Variants in NPBWR2 observed in about 807,000 individuals in gnomAD.
The protein encoded by NPBWR2 is neuropeptides B and W receptor 2, also known as neuropeptides B/W receptor type 2.
For missense variants in NPBWR2, 390 were observed against 458.2 expected (o/e 0.85, Z 1.36); for synonymous variants, 207 against 223.5 (o/e 0.93, Z 0.66).
At position 64,106,448 on chromosome 20, in the gene NPBWR2, G is replaced by A. The variant is rs763141802; in HGVS notation, c.384C>T (p.Ile128=). The change falls in exon 2 of 2, where the codon ATC becomes ATT. Residue 128 remains isoleucine (I), a synonymous_variant. Transcript: ENST00000684052. The surrounding 1 kb of genome is among the most constrained non-coding windows in gnomAD (Gnocchi z 9.5). ...CGGCTAGGAAGTAGATGCTGGAGAA[G>A]ATGTTGTAGTGGTCGACGGCCAGCA... ...KLVLAVDHYN[I]FSSIYFLAVM... 1.1e-5 allele frequency: 17 copies of A among 1,612,654 alleles called. No individual in the cohort carries two copies. The highest frequency in any genetic ancestry group is 1.4e-5 in the Non-Finnish European group (17 of 1,180,030).
chr20:64,106,056 G>T lies in NPBWR2; in HGVS notation c.776C>A (p.Thr259Asn). ...KALGKARRKV[T>N]VLVLVVLAVC... ...GGCCAGCACGACGAGGACCAGGACG[G>T]TCACCTTCCGCCTGGCCTTGCCTAG... The change falls in exon 2 of 2, where the codon ACC (threonine) becomes AAC (asparagine). Residue 259 changes from threonine (T) to asparagine (N), a missense_variant. Coordinates refer to ENST00000684052, the MANE Select transcript of NPBWR2 (RefSeq NM_005286.4). The surrounding 1 kb of genome is among the most constrained non-coding windows in gnomAD (Gnocchi z 9.5). 1 of 1,610,460 alleles carries T rather than the reference G, an allele frequency of 6.2e-7. No individual in the cohort carries two copies. Among genetic ancestry groups the T allele is most frequent in the Non-Finnish European group, 8.5e-7 (1 of 1,179,242 alleles).
chr20:64,105,787 G>A lies in NPBWR2; in HGVS notation c.*43C>T, dbSNP rs1434679083. ...ATGATGGGCGTGATGATGATGGGGG[G>A]TGATGATGGGCATGATGATGGGGGT... On this transcript the variant is annotated 3_prime_UTR_variant, in exon 2 of 2. Transcript: ENST00000684052. 3.1e-4 allele frequency: 344 copies of A among 1,125,098 alleles called. 17 individuals carry two copies. The highest frequency in any genetic ancestry group is 2.2e-3 in the Middle Eastern group (9 of 4,082). The allele number at this position is 1,125,098 out of a possible 1,614,324, so 69.7% of individuals were successfully genotyped here. A position where few individuals can be genotyped will look rare whatever the true frequency, so the allele number is the denominator to read the frequency against.
At position 64,105,332 on chromosome 20, in the gene NPBWR2, C is replaced by T. The variant is rs1979927988; in HGVS notation, c.*498G>A. On this transcript the variant is annotated 3_prime_UTR_variant, in exon 2 of 2. Coordinates refer to ENST00000684052, the MANE Select transcript of NPBWR2 (RefSeq NM_005286.4). ...GGGGGCCTCTGCCAGGACCTGGATC[C>T]CTGCTGCTGTCCACCCAGGGGCTGT... 6.6e-6 allele frequency among the ~76,000 whole-genome samples: 1 copy of T among 150,588 alleles called. No individual in the cohort carries two copies. Among genetic ancestry groups the T allele is most frequent in the African/African-American group, 2.5e-5 (1 of 40,770 alleles).
Position 64,106,113 on chromosome 20 carries a change from C to T in NPBWR2, c.719G>A (p.Arg240Gln), listed in dbSNP as rs139565347. ...GGCTCCAGAGCGGAGCCGCACGGCC[C>T]GCAGCCTGCGCAGGAGGTCTGTGTA... ...VLYTDLLRRL[R>Q]AVRLRSGAKA... is the part of the protein sequence containing the mutation. The change falls in exon 2 of 2, where the codon CGG (arginine) becomes CAG (glutamine). Residue 240 changes from arginine to glutamine, a missense_variant. Transcript: ENST00000684052. This position sits in a 1 kb window ranked among gnomAD's most constrained non-coding sequence, Gnocchi z 9.5. 4.3e-5 allele frequency: 69 copies of T among 1,611,812 alleles called. No homozygotes were observed. In the African/African-American group the frequency reaches 5.5e-4, roughly 13 times the overall value.
rs1979982459 is a variant in NPBWR2, at chr20:64,105,711, GTGGTGGTGGGGGT to G, written c.*106_*118del. ...GGTGGTGGTGGGGGTGATGGTGGGG[GTGGTGGTGGGGGT>G]GGGGGGGGGTGGGCCTGATGGGGGT... On this transcript the variant is annotated 3_prime_UTR_variant, in exon 2 of 2. Transcript: ENST00000684052. 6 of 388,736 alleles carry G rather than the reference GTGGTGGTGGGGGT, an allele frequency of 1.5e-5. No individual in the cohort carries two copies. The highest frequency in any genetic ancestry group is 6.9e-5 in the African/African-American group (1 of 14,480). 24.1% of individuals were successfully genotyped at this position (388,736 alleles called of 1,614,324 possible).
rs751585514 is a variant in NPBWR2, at chr20:64,106,462, C to T, written c.370G>A (p.Asp124Asn). 3.7e-6 allele frequency: 6 copies of T among 1,612,596 alleles called. No individual in the cohort carries two copies. The highest frequency in any genetic ancestry group is 1.1e-5 in the South Asian group (1 of 91,064). ...ATGCTGGAGAAGATGTTGTAGTGGTCGACGGCCAGCACCAGCTTGCAGAGC... is the reference window on the plus strand; with the variant it reads ...ATGCTGGAGAAGATGTTGTAGTGGTTGACGGCCAGCACCAGCTTGCAGAGC... ...ELLCKLVLAV[D>N]HYNIFSSIYF... is the part of the protein sequence containing the mutation. The change falls in exon 2 of 2, where the codon GAC (aspartate) becomes AAC (asparagine). Residue 124 changes from aspartate to asparagine, a missense_variant. Asp to Asn is a conservative substitution (Grantham distance 23, BLOSUM62 1). Transcript: ENST00000684052. This position sits in a 1 kb window ranked among gnomAD's most constrained non-coding sequence, Gnocchi z 9.5.
chr20:64,105,887 G>A lies in NPBWR2; in HGVS notation c.945C>T (p.Leu315=). 1 of 1,606,878 alleles carries A rather than the reference G, an allele frequency of 6.2e-7. No homozygotes were observed. Among genetic ancestry groups the A allele is most frequent in the Non-Finnish European group, 8.5e-7 (1 of 1,176,420 alleles). ...SYANSCLNPF[L]YAFLDDNFRK... ...GGAAGTTGTCATCTAGAAAGGCGTA[G>A]AGGAAGGGGTTCAGGCACGAGTTGG... Residue 315 remains leucine (L), a synonymous_variant, in exon 2 of 2, where the codon CTC becomes CTT. Coordinates refer to ENST00000684052, the MANE Select transcript of NPBWR2 (RefSeq NM_005286.4).
rs1161026705 is a variant in NPBWR2, at chr20:64,105,311, G to A, written c.*519C>T. On this transcript the variant is annotated 3_prime_UTR_variant, in exon 2 of 2. Transcript: ENST00000684052. ...GGCCCGGGATGCTTGCTGTGTGGGG[G>A]CCTCTGCCAGGACCTGGATCCCTGC... Among the ~76,000 whole-genome samples, 2 of 150,914 alleles carry A rather than the reference G, an allele frequency of 1.3e-5. No individual in the cohort carries two copies. Among genetic ancestry groups the A allele is most frequent in the Admixed American group, 6.6e-5 (1 of 15,152 alleles).
rs1460617861 is a variant in NPBWR2, at chr20:64,104,835, C to T, written c.*995G>A. Among the ~76,000 whole-genome samples, 2 of 140,814 alleles carry T rather than the reference C, an allele frequency of 1.4e-5. No homozygotes were observed. Among genetic ancestry groups the T allele is most frequent in the South Asian group, 2.3e-4 (1 of 4,288 alleles). The allele number at this position is 140,814 out of a possible 152,430, so 92.4% of individuals were successfully genotyped here. On this transcript the variant is annotated 3_prime_UTR_variant, in exon 2 of 2. Coordinates refer to ENST00000684052, the MANE Select transcript of NPBWR2 (RefSeq NM_005286.4). ...GCCACAGCAGGGGGGTACAGGGGAG[C>T]ACAGGCCATGGAGAGGACCGTCGGA...
At position 64,105,651 on chromosome 20, in the gene NPBWR2, A is replaced by G. The variant is rs1412624017; in HGVS notation, c.*179T>C. Among the ~76,000 whole-genome samples the G allele has an allele frequency of 2.3e-4, 6 of 26,122 alleles. No individual in the cohort carries two copies. Among genetic ancestry groups the G allele is most frequent in the Admixed American group, 4.5e-4 (1 of 2,244 alleles). 17.1% of individuals were successfully genotyped at this position (26,122 alleles called of 152,430 possible). On this transcript the variant is annotated 3_prime_UTR_variant, in exon 2 of 2. Transcript: ENST00000684052. ...GGGGGTGGGCGTGATGGTGGATGTG[A>G]TGGGGGTGGGCATGATGATGGGCGT...
rs779684143 is a variant in NPBWR2 at position 64,105,837 on chromosome 20, C to T, written c.995G>A (p.Arg332Gln). Residue 332 changes from arginine (R) to glutamine (Q), a missense_variant, in exon 2 of 2, where the codon CGG (arginine) becomes CAG (glutamine). Arg to Gln is a conservative substitution (Grantham distance 43). Coordinates refer to ENST00000684052, the MANE Select transcript of NPBWR2 (RefSeq NM_005286.4). ...TGATGGTGCCCAGGCCCTTCAGCAC[C>T]GCAATATGCTGCGGAAGTTCTTCCG... The part of the protein sequence containing the change: ...NFRKNFRSIL[R>Q]C 15 of 1,472,200 alleles carry T rather than the reference C, an allele frequency of 1.0e-5. No individual in the cohort carries two copies. Among genetic ancestry groups the T allele is most frequent in the South Asian group, 1.0e-4 (8 of 80,188 alleles). 91.2% of individuals were successfully genotyped at this position (1,472,200 alleles called of 1,614,324 possible). A position where few individuals can be genotyped will look rare whatever the true frequency, so the allele number is the denominator to read the frequency against.
In NPBWR2 at chr20:64,106,470, A is replaced by G; in HGVS notation, c.362T>C (p.Leu121Pro). 1 of 1,612,778 alleles carries G rather than the reference A, an allele frequency of 6.2e-7. No individual in the cohort carries two copies. The highest frequency in any genetic ancestry group is 8.5e-7 in the Non-Finnish European group (1 of 1,180,022). The part of the protein sequence containing the change: ...PFGELLCKLV[L>P]AVDHYNIFSS... ...GAAGATGTTGTAGTGGTCGACGGCC[A>G]GCACCAGCTTGCAGAGCAGCTCCCC... Residue 121 changes from leucine to proline, a missense_variant, in exon 2 of 2, where the codon CTG (leucine) becomes CCG (proline). Physicochemically the swap from Leu to Pro is moderately conservative, Grantham distance 98. Transcript: ENST00000684052. This position sits in a 1 kb window ranked among gnomAD's most constrained non-coding sequence, Gnocchi z 9.5.
Position 64,105,874 on chromosome 20 carries a change from C to T in NPBWR2, c.958G>A (p.Asp320Asn), listed in dbSNP as rs754350940. 2 of 1,524,246 alleles carry T rather than the reference C, an allele frequency of 1.3e-6. No individual in the cohort carries two copies. Among genetic ancestry groups the T allele is most frequent in the South Asian group, 2.4e-5 (2 of 84,636 alleles). 94.4% of individuals were successfully genotyped at this position (1,524,246 alleles called of 1,614,324 possible). Residue 320 changes from aspartate (D) to asparagine (N), a missense_variant, in exon 2 of 2, where the codon GAT becomes AAT. Transcript: ENST00000684052. ...CGGAAGTTCTTCCGGAAGTTGTCATCTAGAAAGGCGTAGAGGAAGGGGTTC... is the reference window on the plus strand; with the variant it reads ...CGGAAGTTCTTCCGGAAGTTGTCATTTAGAAAGGCGTAGAGGAAGGGGTTC... ...CLNPFLYAFLDDNFRKNFRSI... is the reference protein window; with the variant it reads ...CLNPFLYAFLNDNFRKNFRSI...
Position 64,103,881 on chromosome 20 carries a change from C to T in NPBWR2, c.*1949G>A, listed in dbSNP as rs1374595439. Reference sequence around the variant, plus strand: ...GGGAGGATAAGTGGATGGAGATGGCCGTGGCGTGTTTGGCTGGCTAGCACG... The same window carrying T: ...GGGAGGATAAGTGGATGGAGATGGCTGTGGCGTGTTTGGCTGGCTAGCACG... On this transcript the variant is annotated 3_prime_UTR_variant, in exon 2 of 2. Transcript: ENST00000684052. Among the ~76,000 whole-genome samples the T allele has an allele frequency of 6.6e-6, 1 of 152,232 alleles. No homozygotes were observed. The highest frequency in any genetic ancestry group is 1.5e-5 in the Non-Finnish European group (1 of 68,048).
chr20:64,107,310 C>T lies in NPBWR2; in HGVS notation c.-92+54G>A, dbSNP rs1980086881. On this transcript the variant is annotated intron_variant, in intron 1 of 1. Coordinates refer to ENST00000684052, the MANE Select transcript of NPBWR2 (RefSeq NM_005286.4). The surrounding 1 kb of genome is among the most constrained non-coding windows in gnomAD (Gnocchi z 6.3). ...TGGAGTCTGCACCCTCCCTCACACC[C>T]TCCCGAGAGATGCTGCAGACCCTGC... 1 of 187,790 alleles carries T rather than the reference C, an allele frequency of 5.3e-6. No homozygotes were observed. Among genetic ancestry groups the T allele is most frequent in the Non-Finnish European group, 1.1e-5 (1 of 88,426 alleles). The allele number at this position is 187,790 out of a possible 1,614,324, so 11.6% of individuals were successfully genotyped here.
rs753866644 is a variant in NPBWR2, at chr20:64,106,870, T to A, written c.-39A>T. On this transcript the variant is annotated 5_prime_UTR_variant, in exon 2 of 2. Transcript: ENST00000684052. This position sits in a 1 kb window ranked among gnomAD's most constrained non-coding sequence, Gnocchi z 9.5. ...GTTGACGATTTGCGCCCTGGGCAGG[T>A]GGGAGGTGCCTTGGAGTTGGGTATC... 6.3e-7 allele frequency: 1 copy of A among 1,585,752 alleles called. No homozygotes were observed.
rs545831606 is a variant in NPBWR2 at position 64,106,961 on chromosome 20, C to T, written c.-91-39G>A. ...ACAACCAGAGACTTTGAGATCCGGC[C>T]GTCTGTTAGGGCACAGCCACTCCAG... On this transcript the variant is annotated intron_variant, in intron 1 of 1. Coordinates refer to ENST00000684052, the MANE Select transcript of NPBWR2 (RefSeq NM_005286.4). This position sits in a 1 kb window ranked among gnomAD's most constrained non-coding sequence, Gnocchi z 9.5. The T allele has an allele frequency of 9.1e-5, 107 of 1,173,818 alleles. 3 individuals carry two copies. In the South Asian group the frequency reaches 1.2e-3, roughly 14 times the overall value. The allele number at this position is 1,173,818 out of a possible 1,614,324, so 72.7% of individuals were successfully genotyped here. A position where few individuals can be genotyped will look rare whatever the true frequency, so the allele number is the denominator to read the frequency against.
rs118087822 is a variant in NPBWR2, at chr20:64,104,943, C to T, written c.*887G>A. Among the ~76,000 whole-genome samples, 4,014 of 126,940 alleles carry T rather than the reference C, an allele frequency of 0.032. 553 individuals are homozygous for T. Among genetic ancestry groups the T allele is most frequent in the Non-Finnish European group, 0.046 (2,453 of 53,224 alleles). 83.3% of individuals were successfully genotyped at this position (126,940 alleles called of 152,430 possible). A position where few individuals can be genotyped will look rare whatever the true frequency, so the allele number is the denominator to read the frequency against. The stretch of plus-strand genomic sequence containing the variant: ...GGCGGGTACAGGCCATGGCAAGGAC[C>T]GTCGGCCACAGCAGGGGGAACACAG... On this transcript the variant is annotated 3_prime_UTR_variant, in exon 2 of 2. Transcript: ENST00000684052.
rs1979929260 is a variant in NPBWR2, at chr20:64,105,374, T to A, written c.*456A>T. On this transcript the variant is annotated 3_prime_UTR_variant, in exon 2 of 2. Transcript: ENST00000684052. Reference sequence around the variant, plus strand: ...AGGGGCTGTCCAGGAAGCAGAGACATGGGAGGTATATGCCCACGGCTGTCT... The same window carrying A: ...AGGGGCTGTCCAGGAAGCAGAGACAAGGGAGGTATATGCCCACGGCTGTCT... 2.0e-5 allele frequency among the ~76,000 whole-genome samples: 3 copies of A among 148,760 alleles called. No homozygotes were observed. The highest frequency in any genetic ancestry group is 3.0e-5 in the Non-Finnish European group (2 of 67,336).
Sources: gnomAD v4.1 joint callset for allele counts (sites outside exome capture counted in the v4.1 genomes callset) on GRCh38, gnomAD v4.1.1 for gene constraint, Gnocchi (gnomAD v3.1) non-coding constraint, MANE v1.5 for transcripts, NCBI Gene and HGNC (gene_info 2026-07-23, HGNC 2026-07-21) for gene names.